Variants in RELN observed in about 807,000 individuals in gnomAD.
RELN encodes the protein reelin.
A neutral mutation model predicts 427.6 loss-of-function variants in RELN; 108 were observed. The ratio of observed to expected loss-of-function variants is 0.25; its 90% CI spans 0.22 to 0.30. The LOEUF (loss-of-function observed/expected upper bound fraction) is 0.30. RELN is among the 10% of genes least tolerant of loss of function. RELN has a pLI of 1.00. For missense variants in RELN, 3,715 were observed against 4,302.8 expected (o/e 0.86, Z 3.82); for synonymous variants, 1,524 against 1,513.4 (o/e 1.01, Z -0.16).
chr7:103,542,849 T>G lies in RELN; in HGVS notation c.6553A>C (p.Met2185Leu). 2 of 1,614,192 alleles carry G rather than the reference T, an allele frequency of 1.2e-6. No homozygotes were observed. Among genetic ancestry groups the G allele is most frequent in the Non-Finnish European group, 1.7e-6 (2 of 1,180,020 alleles). ...GQLESDRFLL[M>L]SGGKPSRKCG... ...TTTCGAGATGGTTTCCCACCACTCA[T>G]TAATAAGAATCTATCAGATTCTAGC... Residue 2185 changes from methionine (M) to leucine (L), a missense_variant, in exon 43 of 65, where the codon ATG (methionine) becomes CTG (leucine). By Grantham distance (15) the Met-to-Leu change is conservative (BLOSUM62 2). Around this residue, in one of 4 missense-constraint regions of RELN, gnomAD observed 1,310 missense variants for 1,643.0 expected, o/e 0.80. Coordinates refer to ENST00000428762, the MANE Select transcript of RELN (RefSeq NM_005045.4).
At chr7:103,561,469 C>T in intron 36 of RELN, 63 bp downstream of exon 36, 1 of 1,188,806 alleles carries the variant, frequency 8.4e-7, no homozygotes. Context: ...TTGTGTTGAG[C>T]AGTGACTGAA....
chr7:103,728,878 A>T (rs936160523), intron 6 of RELN, among the ~76,000 whole-genome samples: 2 of 152,164 alleles, frequency 1.3e-5, no homozygotes, highest in African/African-American at 4.8e-5. Flanking sequence ...ATTCAAGCAC[A>T]TTTTGGATAC....
At chr7:103,731,573 A>T (rs149846871) in intron 6 of RELN, among the ~76,000 whole-genome samples, 1 of 152,150 alleles carries the variant, frequency 6.6e-6, no homozygotes, top group African/African-American at 2.4e-5. Context: ...CAGCTAGTCA[A>T]TTGCAGAATT....
chr7:103,821,073 A>G (rs1439968935), intron 3 of RELN, among the ~76,000 whole-genome samples: 1 of 152,184 alleles, frequency 6.6e-6, no homozygotes, highest in Non-Finnish European at 1.5e-5. Context: ...CTGTTTCACA[A>G]GCTCATCTTG....
chr7:103,664,879 T>C (rs886288800), intron 11 of RELN, among the ~76,000 whole-genome samples: 1 of 152,190 alleles, frequency 6.6e-6, no homozygotes, highest in African/African-American at 2.4e-5. Flanking sequence ...TAATCTTTTC[T>C]TGACTATCTG....
At chr7:103,800,474 T>C (rs1253006192) in intron 3 of RELN, among the ~76,000 whole-genome samples, 1 of 152,210 alleles carries the variant, frequency 6.6e-6, no homozygotes, top group African/African-American at 2.4e-5. Context: ...AAACAAGATA[T>C]GGGGAAAGGA....
At chr7:103,867,236 G>A (rs1306926846) in intron 2 of RELN, among the ~76,000 whole-genome samples, 1 of 152,028 alleles carries the variant, frequency 6.6e-6, no homozygotes, top group African/African-American at 2.4e-5. Flanking sequence ...CCTGTGCAGA[G>A]CGCAGTCAAA....
At chr7:103,865,668 G>T (rs921146172) in intron 2 of RELN, among the ~76,000 whole-genome samples, 6 of 152,154 alleles carry the variant, frequency 3.9e-5, no homozygotes, top group African/African-American at 9.6e-5. Context: ...CATCACGATA[G>T]ATGCAGAAAA....
At chr7:103,590,137 C>CT (rs1003731166) in intron 27 of RELN, among the ~76,000 whole-genome samples, 2 of 152,192 alleles carry the variant, frequency 1.3e-5, no homozygotes, top group African/African-American at 4.8e-5. Flanking sequence ...CAAGAAGCTG[C>CT]TTTTTTCTCC....
In RELN at chr7:103,563,525, AAG is replaced by A. The variant is rs1830683518; in HGVS notation, c.5211-1574_5211-1573del. Among the ~76,000 whole-genome samples the A allele has an allele frequency of 6.6e-6, 1 of 152,252 alleles. No homozygotes were observed. Among genetic ancestry groups the A allele is most frequent in the Non-Finnish European group, 1.5e-5 (1 of 68,050 alleles). On this transcript the variant is annotated intron_variant, in intron 34 of 64. Coordinates refer to ENST00000428762, the MANE Select transcript of RELN (RefSeq NM_005045.4). The surrounding 1 kb of genome is among the most constrained non-coding windows in gnomAD (Gnocchi z 4.1). ...CACAAGAGTCCAAAAGTTTTAAAAA[AAG>A]TTTATATAATGGAAAAGTTATAGTA...
chr7:103,946,875 T>C (rs1796230691), intron 1 of RELN, among the ~76,000 whole-genome samples: 1 of 152,222 alleles, frequency 6.6e-6, no homozygotes, highest in Non-Finnish European at 1.5e-5. Context: ...TCATCCATGA[T>C]GAATTATTTG....
At chr7:103,512,359 A>T (rs1284254780) in intron 50 of RELN, among the ~76,000 whole-genome samples, 2 of 152,194 alleles carry the variant, frequency 1.3e-5, no homozygotes, top group Non-Finnish European at 2.9e-5. Context: ...GGATTCTAAG[A>T]TAATACTGTT....
At chr7:103,882,109 C>T (rs1794621063) in intron 2 of RELN, among the ~76,000 whole-genome samples, 1 of 152,244 alleles carries the variant, frequency 6.6e-6, no homozygotes, top group African/African-American at 2.4e-5. Flanking sequence ...TGAACCAAAG[C>T]ACAGGGAAGC....
chr7:103,756,795 A>G (rs1257696160), intron 4 of RELN, among the ~76,000 whole-genome samples: 2 of 152,230 alleles, frequency 1.3e-5, no homozygotes, highest in African/African-American at 4.8e-5. Flanking sequence ...ACTATCTGAG[A>G]TAACTAAACA....
At chr7:103,510,763 A>G (rs746834297) in intron 51 of RELN, 88 bp downstream of exon 51, 322 of 1,108,594 alleles carry the variant, frequency 2.9e-4, no homozygotes, top group Non-Finnish European at 3.9e-4. Context: ...TACTAAGTCA[A>G]TGAAATATTA....
intron 1 of RELN, among the ~76,000 whole-genome samples, chr7:103,951,901 G>A (rs983273081): frequency 2.0e-5 from 3 of 152,208 alleles, no homozygotes; most frequent in African/African-American, 7.2e-5. Context: ...TCAAACTCCT[G>A]ACCTCAGGTG....
At position 103,907,415 on chromosome 7, in the gene RELN, G is replaced by GAGGA. The variant is rs1491587957; in HGVS notation, c.337+9659_337+9660insTCCT. ...CCTGGGCAACAAGATCAAGGCTCTG[G>GAGGA]AAAAAAAAAAAAAAAAAAAAAAAAA... On this transcript the variant is annotated intron_variant, in intron 2 of 64. Coordinates refer to ENST00000428762, the MANE Select transcript of RELN (RefSeq NM_005045.4). 1.1e-3 allele frequency among the ~76,000 whole-genome samples: 49 copies of GAGGA among 44,114 alleles called. 3 individuals carry two copies. Among genetic ancestry groups the GAGGA allele is most frequent in the East Asian group, 2.4e-3 (3 of 1,234 alleles). 28.9% of individuals were successfully genotyped at this position (44,114 alleles called of 152,430 possible).
Position 103,496,721 on chromosome 7 carries a change from A to C in RELN, c.8998T>G (p.Ser3000Ala). Residue 3000 changes from serine to alanine, a missense_variant, in exon 56 of 65, where the codon TCT (serine) becomes GCT (alanine). Transcript: ENST00000428762. Reference sequence around the variant, plus strand: ...AGAAGTATGTAGTCGTGTCTAACAGAAATGTATTTCTGGTAATCCATCTCA... The same window carrying C: ...AGAAGTATGTAGTCGTGTCTAACAGCAATGTATTTCTGGTAATCCATCTCA... ...LHEMDYQKYI[S>A]VRHDYILLPE... The C allele has an allele frequency of 6.2e-7, 1 of 1,614,136 alleles. No individual in the cohort carries two copies. The highest frequency in any genetic ancestry group is 1.1e-5 in the South Asian group (1 of 91,082).
At position 103,537,510 on chromosome 7, in the gene RELN, T is replaced by A. The variant is rs148306580; in HGVS notation, c.7180+1568A>T. ...CACTCAGCCACTTTCCTCTTTCATATTATCATTCATTTTAACCTTTCTCAG... is the reference window on the plus strand; with the variant it reads ...CACTCAGCCACTTTCCTCTTTCATAATATCATTCATTTTAACCTTTCTCAG... On this transcript the variant is annotated intron_variant, in intron 45 of 64. Coordinates refer to ENST00000428762, the MANE Select transcript of RELN (RefSeq NM_005045.4). Among the ~76,000 whole-genome samples the A allele has an allele frequency of 5.3e-5, 8 of 152,316 alleles. No individual in the cohort carries two copies. In the East Asian group the frequency reaches 1.5e-3, roughly 29 times the overall value.
Sources: allele counts gnomAD v4.1 joint callset (sites outside exome capture counted in the v4.1 genomes callset), GRCh38; gene constraint gnomAD v4.1.1; regional missense constraint gnomAD v4.1.1; non-coding constraint Gnocchi (gnomAD v3.1); transcripts MANE v1.5; gene names NCBI Gene and HGNC (gene_info 2026-07-23, HGNC 2026-07-21).